SUCLG1: variants seen among roughly 807,000 people sequenced by gnomAD.
The protein encoded by SUCLG1 is succinate-CoA ligase GDP/ADP-forming subunit alpha.
Under a neutral mutation model 37.3 loss-of-function variants are expected in SUCLG1, and 26 were observed. That is an observed-to-expected ratio of 0.70 (90% CI 0.51 to 0.97). SUCLG1 has a LOEUF of 0.97. SUCLG1 is among the 50% of genes least tolerant of loss of function. The probability of loss-of-function intolerance (pLI) is 0.00; values close to 1 mark genes in which losing one functional copy is unlikely to be tolerated. For missense variants in SUCLG1, 433 were observed against 432.9 expected (o/e 1.00, Z 0.00); for synonymous variants, 163 against 155.6 (o/e 1.05, Z -0.36).
chr2:84,439,126 G>A lies in SUCLG1; in HGVS notation c.589+1921C>T, dbSNP rs192471022. Among the ~76,000 whole-genome samples, 23 of 150,988 alleles carry A rather than the reference G, an allele frequency of 1.5e-4. No homozygotes were observed. In the East Asian group the frequency reaches 4.1e-3, roughly 27 times the overall value. On this transcript the variant is annotated intron_variant, in intron 5 of 8. Coordinates refer to ENST00000393868, the MANE Select transcript of SUCLG1 (RefSeq NM_003849.4). ...TCCGCGGCTTCATTGAAGTCAGCGA[G>A]ACCAAGAACCCACTGGAAGGAACCA...
intron 7 of SUCLG1, among the ~76,000 whole-genome samples, chr2:84,429,629 T>C (rs1057465930): frequency 1.3e-5 from 2 of 152,118 alleles, no homozygotes; most frequent in African/African-American, 4.8e-5. Flanking sequence ...AAAACTGGCA[T>C]GTCAGATGGA....
In SUCLG1 at chr2:84,441,424, A is replaced by T; in HGVS notation, c.354T>A (p.Ile118=). The T allele has an allele frequency of 1.2e-6, 2 of 1,614,172 alleles. No individual in the cohort carries two copies. Among genetic ancestry groups the T allele is most frequent in the Non-Finnish European group, 1.7e-6 (2 of 1,180,036 alleles). ...CAGCAGCAAAAGGCGGAGGAACATAAATGACAGAAGCCGTTGCTCCTGTCT... is the reference window on the plus strand; with the variant it reads ...CAGCAGCAAAAGGCGGAGGAACATATATGACAGAAGCCGTTGCTCCTGTCT... ...KEQTGATASV[I]YVPPPFAAAA... Residue 118 remains isoleucine, a synonymous_variant, in exon 4 of 9, where the codon ATT becomes ATA. Transcript: ENST00000393868.
intron 1 of SUCLG1, 55 bp downstream of exon 1, chr2:84,459,118 T>A (rs1454995498): frequency 6.6e-6 from 10 of 1,507,426 alleles, no homozygotes; most frequent in Non-Finnish European, 8.1e-6. Context: ...GGAGGTTGGG[T>A]CCGGCGGGGC....
chr2:84,446,499 T>C (rs1672854434), intron 2 of SUCLG1, among the ~76,000 whole-genome samples: 1 of 152,166 alleles, frequency 6.6e-6, no homozygotes, highest in African/African-American at 2.4e-5. Flanking sequence ...CCTCAGAAAT[T>C]TTCTGATTCA....
At chr2:84,441,025 A>T (rs565724146) in intron 5 of SUCLG1, 22 bp downstream of exon 5, 4 of 1,612,352 alleles carry the variant, frequency 2.5e-6, no homozygotes, top group Admixed American at 3.3e-5. Context: ...TTAATCTATA[A>T]GAATGTAACA....
intron 5 of SUCLG1, among the ~76,000 whole-genome samples, chr2:84,439,000 G>C (rs1029650686): frequency 6.6e-6 from 1 of 152,042 alleles, no homozygotes; most frequent in African/African-American, 2.4e-5. Flanking sequence ...CCTGTTCCAT[G>C]CCATGGAAGG....
rs1170327668 is a variant in SUCLG1, at chr2:84,459,177, G to A, written c.93C>T (p.Phe31=). 3 of 1,549,630 alleles carry A rather than the reference G, an allele frequency of 1.9e-6. No individual in the cohort carries two copies. The highest frequency in any genetic ancestry group is 2.0e-5 in the Admixed American group (1 of 50,992). ...LAAARLLSRS[F]LLPQNGIRHC... The stretch of plus-strand genomic sequence containing the variant: ...GACAGTACTGGCTGGACTCACGGAG[G>A]AAGCTGCGCGACAGGAGACGGGCGG... The change falls in exon 1 of 9, where the codon TTC becomes TTT. Residue 31 remains phenylalanine (F), a synonymous_variant. Coordinates refer to ENST00000393868, the MANE Select transcript of SUCLG1 (RefSeq NM_003849.4).
intron 2 of SUCLG1, among the ~76,000 whole-genome samples, chr2:84,446,173 C>T (rs1672847990): frequency 6.6e-6 from 1 of 151,936 alleles, no homozygotes; most frequent in Non-Finnish European, 1.5e-5. Flanking sequence ...TCCTAACCAC[C>T]AGGACTACAC....
intron 3 of SUCLG1, among the ~76,000 whole-genome samples, chr2:84,441,754 C>T (rs1448154315): frequency 6.6e-6 from 1 of 152,076 alleles, no homozygotes; most frequent in African/African-American, 2.4e-5. Flanking sequence ...TCAAAGAATG[C>T]CAACATATCA....
chr2:84,429,511 G>T (rs1672584028), intron 7 of SUCLG1, among the ~76,000 whole-genome samples: 1 of 152,052 alleles, frequency 6.6e-6, no homozygotes, highest in African/African-American at 2.4e-5. Context: ...AGGGGACTGG[G>T]CAGGGCACTG....
chr2:84,449,835 C>G, intron 1 of SUCLG1, 83 bp from the exon 2 acceptor site: 3 of 1,150,982 alleles, frequency 2.6e-6, no homozygotes, highest in Non-Finnish European at 2.5e-6. Context: ...TCAACTTGAT[C>G]ACAAAAAAAA....
At chr2:84,428,797 C>T (rs780594476) in intron 7 of SUCLG1, among the ~76,000 whole-genome samples, 5 of 152,172 alleles carry the variant, frequency 3.3e-5, no homozygotes, top group Non-Finnish European at 7.3e-5. Context: ...TCAGTGTAGT[C>T]TGAGCCTATG....
intron 3 of SUCLG1, 64 bp downstream of exon 3, chr2:84,443,220 C>T: frequency 1.4e-6 from 2 of 1,393,562 alleles, no homozygotes; most frequent in Non-Finnish European, 1.0e-6. Flanking sequence ...AAGATCTCTA[C>T]CCAAAGAATG....
chr2:84,435,355 T>G (rs999529854), intron 5 of SUCLG1, among the ~76,000 whole-genome samples: 20 of 152,220 alleles, frequency 1.3e-4, no homozygotes, highest in African/African-American at 4.8e-4. Context: ...CCTACTGCCC[T>G]CATTACTAAG....
chr2:84,442,338 T>A (rs1459761094), intron 3 of SUCLG1, among the ~76,000 whole-genome samples: 1 of 152,182 alleles, frequency 6.6e-6, no homozygotes, highest in Non-Finnish European at 1.5e-5. Context: ...CTTTAAAACA[T>A]ACCTTAAAAA....
chr2:84,443,474 C>T (rs1672805707), intron 2 of SUCLG1, 74 bp from the exon 3 acceptor site: 1 of 1,280,528 alleles, frequency 7.8e-7, no homozygotes. Context: ...GCAATCTTAG[C>T]AACTTAGGAA....
intron 1 of SUCLG1, among the ~76,000 whole-genome samples, chr2:84,453,660 G>A (rs535464729): frequency 3.3e-4 from 50 of 152,182 alleles, no homozygotes; most frequent in South Asian, 2.1e-4. Context: ...CAAGTGATCC[G>A]CCTGCCTTGG....
At position 84,449,762 on chromosome 2, in the gene SUCLG1, TAAAAAAAAAAAAAAAA is replaced by T; in HGVS notation, c.98-26_98-11del. 2.5e-6 allele frequency: 2 copies of T among 791,234 alleles called. No homozygotes were observed. Among genetic ancestry groups the T allele is most frequent in the South Asian group, 2.0e-5 (1 of 49,556 alleles). The allele number at this position is 791,234 out of a possible 1,614,324, so 49.0% of individuals were successfully genotyped here. A position where few individuals can be genotyped will look rare whatever the true frequency, so the allele number is the denominator to read the frequency against. On this transcript the variant is annotated splice_polypyrimidine_tract_variant and intron_variant, in intron 1 of 8. Transcript: ENST00000393868. The stretch of plus-strand genomic sequence containing the variant: ...ATTCCATTCTGCGGCACTAAGAGGT[TAAAAAAAAAAAAAAAA>T]AAAAAAAAAGACACATTATAATTTT...
chr2:84,423,667 G>A lies in SUCLG1; in HGVS notation c.*79C>T. The A allele has an allele frequency of 7.1e-7, 1 of 1,414,116 alleles. No homozygotes were observed. Among genetic ancestry groups the A allele is most frequent in the Non-Finnish European group, 9.9e-7 (1 of 1,014,272 alleles). The allele number at this position is 1,414,116 out of a possible 1,614,324, so 87.6% of individuals were successfully genotyped here. A position where few individuals can be genotyped will look rare whatever the true frequency, so the allele number is the denominator to read the frequency against. On this transcript the variant is annotated 3_prime_UTR_variant, in exon 9 of 9. Transcript: ENST00000393868. ...GTCAGGCACATAGGCTGATTAATCAGTGGACAACAGAAGCAAACTGCTGCT... is the reference window on the plus strand; with the variant it reads ...GTCAGGCACATAGGCTGATTAATCAATGGACAACAGAAGCAAACTGCTGCT...
Sources: allele counts gnomAD v4.1 joint callset (sites outside exome capture counted in the v4.1 genomes callset), GRCh38; gene constraint gnomAD v4.1.1; transcripts MANE v1.5; gene names NCBI Gene and HGNC (gene_info 2026-07-23, HGNC 2026-07-21).